The following PATJ variants were observed in gnomAD, a reference collection of about 807,000 sequenced individuals.
PATJ encodes the protein inaD-like protein.
Under a neutral mutation model 224.9 loss-of-function variants are expected in PATJ, and 190 were observed. The ratio of observed to expected loss-of-function variants is 0.84; its 90% CI spans 0.75 to 0.95. The LOEUF (loss-of-function observed/expected upper bound fraction) is 0.95. Among genes scored for constraint, PATJ ranks in the 40% least tolerant of loss-of-function variants. The probability of loss-of-function intolerance (pLI) is 0.00; values close to 1 mark genes in which losing one functional copy is unlikely to be tolerated. For synonymous variants in PATJ, 769 were observed against 820.3 expected (o/e 0.94, Z 1.07); for missense variants, 2,121 against 2,270.3 (o/e 0.93, Z 1.34).
chr1:61,945,403 CA>C (rs559975282), intron 27 of PATJ, among the ~76,000 whole-genome samples: 20 of 144,914 alleles, frequency 1.4e-4, no homozygotes, highest in South Asian at 4.3e-4. Flanking sequence ...AAATGGAAAA[CA>C]AAAAAAAAAG....
chr1:61,908,199 C>T (rs1672118879), intron 24 of PATJ, among the ~76,000 whole-genome samples, 173 bp from the exon 25 acceptor site: 1 of 152,188 alleles, frequency 6.6e-6, no homozygotes, highest in Non-Finnish European at 1.5e-5. Flanking sequence ...TTTCCTTGAA[C>T]ATGTTCTTCT....
intron 41 of PATJ, among the ~76,000 whole-genome samples, chr1:62,147,041 A>G (rs1482067347): frequency 2.0e-5 from 3 of 152,142 alleles, no homozygotes; most frequent in Non-Finnish European, 4.4e-5. Flanking sequence ...AACTGGATCC[A>G]TATATCCAGT....
At chr1:61,944,803 A>G (rs1678403514) in intron 27 of PATJ, among the ~76,000 whole-genome samples, 1 of 152,230 alleles carries the variant, frequency 6.6e-6, no homozygotes, top group Non-Finnish European at 1.5e-5. Flanking sequence ...AATGAAGGAA[A>G]AAATGTTAAG....
In PATJ at chr1:61,886,819, C is replaced by CAAAAAAAAAAAAAAAAAAAAAAAAAA. The variant is rs35950461; in HGVS notation, c.3131+2423_3131+2424insAAAAAAAAAAAAAAAAAAAAAAAAAA. Among the ~76,000 whole-genome samples, 433 of 87,452 alleles carry CAAAAAAAAAAAAAAAAAAAAAAAAAA rather than the reference C, an allele frequency of 5.0e-3. 115 individuals carry two copies. Among genetic ancestry groups the CAAAAAAAAAAAAAAAAAAAAAAAAAA allele is most frequent in the African/African-American group, 0.011 (265 of 24,960 alleles). The allele number at this position is 87,452 out of a possible 152,430, so 57.4% of individuals were successfully genotyped here. A position where few individuals can be genotyped will look rare whatever the true frequency, so the allele number is the denominator to read the frequency against. On this transcript the variant is annotated intron_variant, in intron 22 of 43. Coordinates refer to ENST00000642238, the MANE Select transcript of PATJ (RefSeq NM_001350145.3). The stretch of plus-strand genomic sequence containing the variant: ...TGGGCAACAGAGCAAGACCCCATCT[C>CAAAAAAAAAAAAAAAAAAAAAAAAAA]AAAAAAAAAAAATTAGCCTGTTGTG...
At chr1:61,903,047 G>A (rs1288346139) in intron 24 of PATJ, among the ~76,000 whole-genome samples, 1 of 152,152 alleles carries the variant, frequency 6.6e-6, no homozygotes, top group Non-Finnish European at 1.5e-5. Flanking sequence ...AAGGGCTGAG[G>A]AGTGATGGGA....
At chr1:62,009,854 G>GT (rs1646324623) in intron 28 of PATJ, among the ~76,000 whole-genome samples, 2 of 152,018 alleles carry the variant, frequency 1.3e-5, no homozygotes, top group South Asian at 4.2e-4. Flanking sequence ...GGAGGCCGAG[G>GT]TGGGCGGATC....
At chr1:61,955,338 C>A (rs7418404) in intron 27 of PATJ, among the ~76,000 whole-genome samples, 1 of 151,910 alleles carries the variant, frequency 6.6e-6, no homozygotes, top group Non-Finnish European at 1.5e-5. Flanking sequence ...TATAAAATTT[C>A]TAAAAAGAAA....
rs2498965 is a variant in PATJ at position 61,963,576 on chromosome 1, A to G, written c.3671-26592A>G. Among the ~76,000 whole-genome samples, 530 of 152,280 alleles carry G rather than the reference A, an allele frequency of 3.5e-3. 3 individuals are homozygous for G. Among genetic ancestry groups the G allele is most frequent in the African/African-American group, 0.012 (499 of 41,544 alleles). ...GCGCCACTGCACTCCAGCCTGGGAG[A>G]CAGAGTGAGACTCTGTCTCAAAAGA... On this transcript the variant is annotated intron_variant, in intron 27 of 43. Coordinates refer to ENST00000642238, the MANE Select transcript of PATJ (RefSeq NM_001350145.3).
chr1:61,974,507 A>C (rs1187789803), intron 27 of PATJ, among the ~76,000 whole-genome samples: 2 of 140,688 alleles, frequency 1.4e-5, no homozygotes, highest in East Asian at 4.2e-4. Context: ...TCCACCTCCC[A>C]GGTTCAAGCG....
chr1:61,882,558 C>T (rs1668247842), intron 21 of PATJ, among the ~76,000 whole-genome samples: 1 of 152,150 alleles, frequency 6.6e-6, no homozygotes, highest in African/African-American at 2.4e-5. Flanking sequence ...AGCTTTCTCC[C>T]TCAACCCCAA....
chr1:61,864,215 T>A, intron 19 of PATJ, 23 bp from the exon 20 acceptor site: 1 of 1,484,038 alleles, frequency 6.7e-7, no homozygotes, highest in Non-Finnish European at 8.9e-7. Context: ...AACTTCACAT[T>A]TTTTTGCATC....
chr1:62,063,170 T>A (rs1423652933), intron 31 of PATJ, among the ~76,000 whole-genome samples: 1 of 152,222 alleles, frequency 6.6e-6, no homozygotes, highest in Non-Finnish European at 1.5e-5. Context: ...CCATCTTGAG[T>A]TAACTTTTAT....
At chr1:62,155,600 A>G (rs1487396476) in intron 43 of PATJ, among the ~76,000 whole-genome samples, 1 of 152,016 alleles carries the variant, frequency 6.6e-6, no homozygotes, top group African/African-American at 2.4e-5. Context: ...CACCCATAGA[A>G]GTAGAAACAT....
chr1:61,964,350 G>A (rs1681759563), intron 27 of PATJ, among the ~76,000 whole-genome samples: 1 of 152,024 alleles, frequency 6.6e-6, no homozygotes, highest in Admixed American at 6.6e-5. Context: ...CCAAAGTGCT[G>A]GGATTAGAGG....
intron 27 of PATJ, among the ~76,000 whole-genome samples, chr1:61,935,517 G>A (rs1229352456): frequency 6.6e-6 from 1 of 152,152 alleles, no homozygotes; most frequent in Admixed American, 6.5e-5. Context: ...GTGTGGCCAG[G>A]CGTAGTGGCT....
intron 30 of PATJ, among the ~76,000 whole-genome samples, chr1:62,041,600 G>C (rs1405661254): frequency 6.6e-6 from 1 of 152,206 alleles, no homozygotes; most frequent in Non-Finnish European, 1.5e-5. Context: ...TTTTTGGCTT[G>C]AGCAACTGGG....
At chr1:61,914,046 A>G (rs1420857137) in intron 25 of PATJ, among the ~76,000 whole-genome samples, 2 of 152,226 alleles carry the variant, frequency 1.3e-5, no homozygotes, top group African/African-American at 4.8e-5. Context: ...AGAGTTATGT[A>G]TCTTCTCAGG....
intron 28 of PATJ, among the ~76,000 whole-genome samples, chr1:62,016,301 T>C (rs1474151107): frequency 1.3e-5 from 2 of 152,222 alleles, no homozygotes; most frequent in Non-Finnish European, 1.5e-5. Flanking sequence ...TGTCACATTA[T>C]AACTATTTTG....
At chr1:61,855,147 G>C (rs553524441) in intron 17 of PATJ, among the ~76,000 whole-genome samples, 1 of 152,170 alleles carries the variant, frequency 6.6e-6, no homozygotes, top group African/African-American at 2.4e-5. Flanking sequence ...TTATGATTAC[G>C]TTCATGCTTT....
Sources: allele counts gnomAD v4.1 joint callset (sites outside exome capture counted in the v4.1 genomes callset), GRCh38; gene constraint gnomAD v4.1.1; transcripts MANE v1.5; gene names NCBI Gene and HGNC (gene_info 2026-07-23, HGNC 2026-07-21).